The following SLC24A5 variants were observed in gnomAD, a reference collection of about 807,000 sequenced individuals.
SLC24A5 encodes the protein sodium/potassium/calcium exchanger 5.
SLC24A5 carries 46 observed loss-of-function variants against 51.6 expected under a neutral mutation model. The ratio of observed to expected loss-of-function variants is 0.89; its 90% CI spans 0.70 to 1.14. The LOEUF is 1.14. SLC24A5 is among the 50% of genes most tolerant of loss of function. SLC24A5 has a pLI of 0.00. For synonymous variants in SLC24A5, 230 were observed against 214.9 expected (o/e 1.07, Z -0.62); for missense variants, 581 against 604.1 (o/e 0.96, Z 0.40).
At chr15:48,134,752 T>C (rs1490145942) in intron 4 of SLC24A5, 132 bp from the exon 5 acceptor site, 8 of 814,430 alleles carry the variant, frequency 9.8e-6, no homozygotes, top group African/African-American at 1.7e-5. Flanking sequence ...CAATTTTACA[T>C]TTTTTTCTCT....
chr15:48,122,321 TGTTCCAAGATTTCAC>T, intron 2 of SLC24A5: 1 of 562,786 alleles, frequency 1.8e-6, no homozygotes, highest in Non-Finnish European at 3.1e-6. Flanking sequence ...TTATAAGAAC[TGTTCCAAGATTTCAC>T]TTGTATGTAC....
Position 48,141,199 on chromosome 15 carries a change from T to C in SLC24A5, c.1165T>C (p.Leu389=), listed in dbSNP as rs757518456. ...CATACCAGACACAATTGCAAGTGTG[T>C]TGGTTGCAAGAAAAGGTAAGAACTA... is the stretch of plus-strand genomic sequence containing the variant. ...TSIPDTIASV[L]VARKGKGDMA... is the part of the protein sequence containing the mutation. The change falls in exon 8 of 9, where the codon TTG becomes CTG. Residue 389 remains leucine (L), a synonymous_variant. Transcript: ENST00000341459. The C allele has an allele frequency of 9.3e-6, 15 of 1,613,218 alleles. No homozygotes were observed. In the African/African-American group the frequency reaches 1.7e-4, roughly 19 times the overall value.
At chr15:48,122,346 C>A (rs1462646604) in intron 2 of SLC24A5, 2 of 532,314 alleles carry the variant, frequency 3.8e-6, no homozygotes, top group Non-Finnish European at 3.3e-6. Flanking sequence ...CTTGTATGTA[C>A]TTTGTGTGCG....
intron 2 of SLC24A5, among the ~76,000 whole-genome samples, chr15:48,131,001 A>G (rs1186583007): frequency 6.6e-6 from 1 of 151,938 alleles, no homozygotes; most frequent in African/African-American, 2.4e-5. Flanking sequence ...ACATTATTTT[A>G]CCTCCTGGGC....
Position 48,136,848 on chromosome 15 carries a change from T to C in SLC24A5, c.756T>C (p.Asp252=). Residue 252 remains aspartate (D), a synonymous_variant, in exon 6 of 9, where the codon GAT becomes GAC. Coordinates refer to ENST00000341459, the MANE Select transcript of SLC24A5 (RefSeq NM_205850.3). ...SEQQPLMGWE[D]EGQPFIRRQS... The stretch of plus-strand genomic sequence containing the variant: ...AACAGCCACTGATGGGCTGGGAAGA[T>C]GAAGGTCAACCATTCATTCGTCGGC... The C allele has an allele frequency of 3.1e-6, 5 of 1,613,784 alleles. No homozygotes were observed. Among genetic ancestry groups the C allele is most frequent in the Non-Finnish European group, 3.4e-6 (4 of 1,179,800 alleles).
At position 48,142,324 on chromosome 15, in the gene SLC24A5, TAATA is replaced by T. The variant is rs1158291670; in HGVS notation, c.1479_1482del (p.Asn493LysfsTer2). 1 of 1,607,944 alleles carries T rather than the reference TAATA, an allele frequency of 6.2e-7. No individual in the cohort carries two copies. Among genetic ancestry groups the T allele is most frequent in the Admixed American group, 1.7e-5 (1 of 59,256 alleles). On this transcript the variant is annotated frameshift_variant, in exon 9 of 9. Transcript: ENST00000341459. LOFTEE classifies it high-confidence loss of function. ...TATATGAACTTGGAATTATTGGAAA[TAATA>T]AAATAAGGGGCTGTGGAGGTTGATA...
intron 5 of SLC24A5, 73 bp from the exon 6 acceptor site, chr15:48,136,610 A>T (rs2038906303): frequency 6.7e-6 from 9 of 1,350,990 alleles, no homozygotes; most frequent in Non-Finnish European, 9.1e-6. Flanking sequence ...CATTCAATAG[A>T]TACTGCCCAA....
In SLC24A5 at chr15:48,138,999, CA is replaced by C; in HGVS notation, c.903del (p.Asp302ThrfsTer2). On this transcript the variant is annotated frameshift_variant, in exon 7 of 9. Transcript: ENST00000341459. LOFTEE classifies it high-confidence loss of function. ...DPPSVFNMPE[A>X]DLKRIFWVLS... ...CCAAGTGTTTTCAACATGCCTGAAG[CA>C]GACTTAAAAAGAATTTTTTGGGTAT... 1 of 1,612,768 alleles carries C rather than the reference CA, an allele frequency of 6.2e-7. No homozygotes were observed. The highest frequency in any genetic ancestry group is 1.1e-5 in the South Asian group (1 of 90,964).
In SLC24A5 at chr15:48,139,050, T is replaced by G. The variant is rs1239634882; in HGVS notation, c.953T>G (p.Leu318Arg). 2 of 1,613,048 alleles carry G rather than the reference T, an allele frequency of 1.2e-6. No homozygotes were observed. Among genetic ancestry groups the G allele is most frequent in the Admixed American group, 3.3e-5 (2 of 59,976 alleles). The change falls in exon 7 of 9, where the codon CTT becomes CGT. Residue 318 changes from leucine to arginine, a missense_variant. Transcript: ENST00000341459. Reference sequence around the variant, plus strand: ...TTATCCCTTCCTATTATTACATTACTTTTTCTAACCACACCAGATTGTAGA... The same window carrying G: ...TTATCCCTTCCTATTATTACATTACGTTTTCTAACCACACCAGATTGTAGA... ...WVLSLPIITL[L>R]FLTTPDCRKK...
At chr15:48,125,008 T>C (rs2038716324) in intron 2 of SLC24A5, among the ~76,000 whole-genome samples, 1 of 152,170 alleles carries the variant, frequency 6.6e-6, no homozygotes, top group Non-Finnish European at 1.5e-5. Flanking sequence ...AATTATGACA[T>C]CAGCAATAAA....
chr15:48,121,818 T>C, intron 1 of SLC24A5, 39 bp from the exon 2 acceptor site: 1 of 1,606,362 alleles, frequency 6.2e-7, no homozygotes, highest in African/African-American at 1.3e-5. Context: ...AATGTGTGAC[T>C]CCAAACTCTT....
Position 48,142,178 on chromosome 15 carries a change from T to C in SLC24A5, c.1330T>C (p.Ser444Pro). ...CAGAGGACTAACTTACATAACCATCTCTCTCAACATTTCAATTATTTTTCT... is the reference window on the plus strand; with the variant it reads ...CAGAGGACTAACTTACATAACCATCCCTCTCAACATTTCAATTATTTTTCT... ...NSRGLTYITI[S>P]LNISIIFLFL... Residue 444 changes from serine to proline, a missense_variant, in exon 9 of 9, where the codon TCT becomes CCT. Transcript: ENST00000341459. 1 of 1,613,848 alleles carries C rather than the reference T, an allele frequency of 6.2e-7. No homozygotes were observed. The highest frequency in any genetic ancestry group is 8.5e-7 in the Non-Finnish European group (1 of 1,179,882).
At chr15:48,130,397 T>C (rs1172815109) in intron 2 of SLC24A5, among the ~76,000 whole-genome samples, 1 of 152,196 alleles carries the variant, frequency 6.6e-6, no homozygotes, top group Non-Finnish European at 1.5e-5. Flanking sequence ...CTTTAAGTTT[T>C]ATCCATCCAT....
chr15:48,121,435 CT>C (rs777792198), intron 1 of SLC24A5, among the ~76,000 whole-genome samples: 4 of 152,204 alleles, frequency 2.6e-5, no homozygotes, highest in Non-Finnish European at 4.4e-5. Flanking sequence ...AATCTTTCAT[CT>C]TAGAAATTCT....
rs776487158 is a variant in SLC24A5, at chr15:48,136,773, A to G, written c.681A>G (p.Lys227=). Residue 227 remains lysine (K), a synonymous_variant, in exon 6 of 9, where the codon AAA becomes AAG. Coordinates refer to ENST00000341459, the MANE Select transcript of SLC24A5 (RefSeq NM_205850.3). The stretch of plus-strand genomic sequence containing the variant: ...AAATTAACCAATATATTATAAAGAA[A>G]TGCAGTCCTTGCTGCGCCTGTCTTG... ...DIKINQYIIK[K]CSPCCACLAK... 1.2e-5 allele frequency: 20 copies of G among 1,613,708 alleles called. No homozygotes were observed. In the Admixed American group the frequency reaches 3.3e-4, roughly 27 times the overall value.
At chr15:48,126,538 A>G (rs1028036329) in intron 2 of SLC24A5, among the ~76,000 whole-genome samples, 2 of 152,192 alleles carry the variant, frequency 1.3e-5, no homozygotes, top group Non-Finnish European at 2.9e-5. Flanking sequence ...CTGGGAAAAG[A>G]GTTAAAGATG....
intron 2 of SLC24A5, among the ~76,000 whole-genome samples, chr15:48,132,926 T>C (rs1423251682): frequency 6.6e-6 from 1 of 152,160 alleles, no homozygotes; most frequent in African/African-American, 2.4e-5. Flanking sequence ...TCTGGAAAAC[T>C]ACGTGGAGCA....
rs1302161384 is a variant in SLC24A5, at chr15:48,138,713, G to A, written c.872-256G>A. On this transcript the variant is annotated intron_variant, in intron 6 of 8. Transcript: ENST00000341459. Reference sequence around the variant, plus strand: ...AAACACTATCTACAATATATTTAACGAATGGCCCAAGACATTTTTATAGAT... The same window carrying A: ...AAACACTATCTACAATATATTTAACAAATGGCCCAAGACATTTTTATAGAT... 33 of 388,372 alleles carry A rather than the reference G, an allele frequency of 8.5e-5. No individual in the cohort carries two copies. The Admixed American group carries it at 8.8e-4, about 10-fold the overall frequency. 24.1% of individuals were successfully genotyped at this position (388,372 alleles called of 1,614,324 possible).
chr15:48,131,845 A>C (rs1267163032), intron 2 of SLC24A5, among the ~76,000 whole-genome samples: 1 of 152,120 alleles, frequency 6.6e-6, no homozygotes, highest in African/African-American at 2.4e-5. Flanking sequence ...GCCTGGCCTA[A>C]ATAATTCTAA....
Sources: gnomAD v4.1 joint callset for allele counts (sites outside exome capture counted in the v4.1 genomes callset) on GRCh38, gnomAD v4.1.1 for gene constraint, MANE v1.5 for transcripts, NCBI Gene and HGNC (gene_info 2026-07-23, HGNC 2026-07-21) for gene names.